The following CFAP61 variants were observed in gnomAD, a reference collection of about 807,000 sequenced individuals.
The protein encoded by CFAP61 is cilia- and flagella-associated protein 61.
Under a neutral mutation model 135.6 loss-of-function variants are expected in CFAP61, and 107 were observed. The observed-to-expected ratio is 0.79, with a 90% CI of 0.67 to 0.93. The LOEUF (loss-of-function observed/expected upper bound fraction) is 0.93, where lower values mean the gene tolerates loss of function less well. CFAP61 is among the 40% of genes least tolerant of loss of function. CFAP61 has a pLI of 0.00. For missense variants in CFAP61, 1,507 were observed against 1,556.2 expected (o/e 0.97, Z 0.53); for synonymous variants, 575 against 578.5 (o/e 0.99, Z 0.09).
intron 25 of CFAP61, among the ~76,000 whole-genome samples, chr20:20,331,772 T>G (rs2058009236): frequency 6.6e-6 from 1 of 152,068 alleles, no homozygotes; most frequent in Non-Finnish European, 1.5e-5. Context: ...TTTCTTTTCC[T>G]ACAGAAAATA....
At chr20:20,340,457 G>A (rs2058397335) in intron 25 of CFAP61, among the ~76,000 whole-genome samples, 1 of 152,090 alleles carries the variant, frequency 6.6e-6, no homozygotes, top group Non-Finnish European at 1.5e-5. Context: ...TGTTTAGATG[G>A]AGGGCCAGAG....
chr20:20,182,166 T>C (rs2055150834), intron 13 of CFAP61, among the ~76,000 whole-genome samples: 1 of 152,244 alleles, frequency 6.6e-6, no homozygotes, highest in Non-Finnish European at 1.5e-5. Context: ...TAAATCTCTA[T>C]GATTTATCTG....
intron 25 of CFAP61, among the ~76,000 whole-genome samples, chr20:20,338,611 T>C (rs2058327621): frequency 6.6e-6 from 1 of 152,196 alleles, no homozygotes; most frequent in Non-Finnish European, 1.5e-5. Flanking sequence ...CAGGAAGGCC[T>C]TGGCCTTGGA....
At chr20:20,266,483 T>C (rs2052748872) in intron 21 of CFAP61, among the ~76,000 whole-genome samples, 1 of 152,234 alleles carries the variant, frequency 6.6e-6, no homozygotes, top group African/African-American at 2.4e-5. Flanking sequence ...ATAAATGTTT[T>C]ACTGAATGTA....
At chr20:20,110,647 G>A (rs2048736062) in intron 8 of CFAP61, among the ~76,000 whole-genome samples, 1 of 152,166 alleles carries the variant, frequency 6.6e-6, no homozygotes, top group East Asian at 1.9e-4. Context: ...CAGTTTGAAG[G>A]TTGTTGGTGA....
chr20:20,220,476 G>A (rs533390029), intron 17 of CFAP61, among the ~76,000 whole-genome samples: 45 of 152,196 alleles, frequency 3.0e-4, no homozygotes, highest in South Asian at 2.7e-3. Context: ...ATAGCCAGCC[G>A]GTCAGAAGTA....
intron 24 of CFAP61, among the ~76,000 whole-genome samples, 170 bp from the exon 25 acceptor site, chr20:20,298,011 G>A (rs189927859): frequency 1.3e-5 from 2 of 152,276 alleles, no homozygotes; most frequent in African/African-American, 4.8e-5. Flanking sequence ...TGTGGTTTCT[G>A]ACACACTGTC....
In CFAP61 at chr20:20,175,007, G is replaced by GC. The variant is rs549665995; in HGVS notation, c.1385+5549dup. Among the ~76,000 whole-genome samples, 48 of 152,306 alleles carry GC rather than the reference G, an allele frequency of 3.2e-4. No homozygotes were observed. The East Asian group carries it at 8.1e-3, about 26-fold the overall frequency. On this transcript the variant is annotated intron_variant, in intron 13 of 26. Coordinates refer to ENST00000245957, the MANE Select transcript of CFAP61 (RefSeq NM_015585.4). ...GTCAGTCCCCTGCACCTGCAAGTCAGCCAGGGGTGCAAGAGGAGTCCAGGT... is the reference window on the plus strand; with the variant it reads ...GTCAGTCCCCTGCACCTGCAAGTCAGCCCAGGGGTGCAAGAGGAGTCCAGGT...
At chr20:20,345,883 C>CTT (rs756813997) in intron 26 of CFAP61, among the ~76,000 whole-genome samples, 13,306 of 50,684 alleles carry the variant, frequency 0.26, 4,016 homozygotes, top group East Asian at 0.37. Flanking sequence ...GATTGTGCCA[C>CTT]TTTTTTTTTT....
At chr20:20,165,559 G>C (rs1960289867) in intron 11 of CFAP61, among the ~76,000 whole-genome samples, 1 of 150,562 alleles carries the variant, frequency 6.6e-6, no homozygotes, top group Admixed American at 6.7e-5. Flanking sequence ...CTGTTCTCCT[G>C]TGGTCTGGAC....
chr20:20,105,242 G>C lies in CFAP61; in HGVS notation c.859+6428G>C, dbSNP rs2048299472. Among the ~76,000 whole-genome samples, 3 of 152,120 alleles carry C rather than the reference G, an allele frequency of 2.0e-5. No homozygotes were observed. The South Asian group carries it at 6.2e-4, about 32-fold the overall frequency. On this transcript the variant is annotated intron_variant, in intron 8 of 26. Transcript: ENST00000245957. ...GTGTCCCACCAATGGGCTTCTCATT[G>C]TTCCTGGCATGGGTTTCAGATCCCC...
chr20:20,160,694 G>T (rs1237495431), intron 10 of CFAP61, among the ~76,000 whole-genome samples: 3 of 152,188 alleles, frequency 2.0e-5, no homozygotes, highest in African/African-American at 7.2e-5. Flanking sequence ...TCCAGTTTTT[G>T]AATCTCACAT....
intron 20 of CFAP61, among the ~76,000 whole-genome samples, chr20:20,253,074 T>G (rs1221972435): frequency 1.3e-5 from 2 of 152,186 alleles, no homozygotes; most frequent in Admixed American, 6.5e-5. Flanking sequence ...TGCACATGAA[T>G]CCCCTGAGCT....
chr20:20,317,574 T>G lies in CFAP61; in HGVS notation c.3422+19188T>G, dbSNP rs144683277. On this transcript the variant is annotated intron_variant, in intron 25 of 26. Transcript: ENST00000245957. ...TTTGTGACTTATTGTTCACTCTATCTAGTAATTTGGGGAGAAGAGGGCACC... is the reference window on the plus strand; with the variant it reads ...TTTGTGACTTATTGTTCACTCTATCGAGTAATTTGGGGAGAAGAGGGCACC... Among the ~76,000 whole-genome samples the G allele has an allele frequency of 1.2e-3, 183 of 152,232 alleles. 1 individual carries two copies. Among genetic ancestry groups the G allele is most frequent in the African/African-American group, 4.1e-3 (171 of 41,506 alleles).
At chr20:20,063,316 GAA>G (rs2044960915) in intron 2 of CFAP61, among the ~76,000 whole-genome samples, 2 of 152,182 alleles carry the variant, frequency 1.3e-5, no homozygotes, top group South Asian at 2.1e-4. Context: ...CATAGAAAGA[GAA>G]ATGAAATTAA....
intron 15 of CFAP61, among the ~76,000 whole-genome samples, chr20:20,196,083 T>A (rs920278626): frequency 6.6e-6 from 1 of 152,114 alleles, no homozygotes; most frequent in African/African-American, 2.4e-5. Flanking sequence ...TGTCTCAAAC[T>A]AAACAAAACA....
intron 18 of CFAP61, among the ~76,000 whole-genome samples, chr20:20,243,169 C>T (rs1157542886): frequency 6.6e-6 from 1 of 152,114 alleles, no homozygotes; most frequent in South Asian, 2.1e-4. Context: ...AGAGAGAGCT[C>T]GTGCAGGGAA....
chr20:20,116,544 C>T (rs2049155800), intron 8 of CFAP61, among the ~76,000 whole-genome samples: 1 of 152,156 alleles, frequency 6.6e-6, no homozygotes, highest in African/African-American at 2.4e-5. Context: ...ATGTTTTCTT[C>T]TAGTAGTTTC....
intron 6 of CFAP61, among the ~76,000 whole-genome samples, chr20:20,084,375 T>G (rs1401253821): frequency 1.3e-5 from 2 of 151,650 alleles, no homozygotes; most frequent in African/African-American, 4.9e-5. Flanking sequence ...GAGGAGGCTG[T>G]GCCAGGATTC....
Sources: allele counts gnomAD v4.1 joint callset (sites outside exome capture counted in the v4.1 genomes callset), GRCh38; gene constraint gnomAD v4.1.1; transcripts MANE v1.5; gene names NCBI Gene and HGNC (gene_info 2026-07-23, HGNC 2026-07-21).